LRP12: variants seen among roughly 807,000 people sequenced by gnomAD.
The protein encoded by LRP12 is LDL receptor related protein 12.
Under a neutral mutation model 66.0 loss-of-function variants are expected in LRP12, and 14 were observed. The ratio of observed to expected loss-of-function variants is 0.21; its 90% confidence interval spans 0.14 to 0.33. The LOEUF (loss-of-function observed/expected upper bound fraction) is 0.33. Among genes scored for constraint, LRP12 ranks in the 10% least tolerant of loss-of-function variants. The pLI, the probability that LRP12 is intolerant of heterozygous loss-of-function variation, is 1.00. For synonymous variants in LRP12, 357 were observed against 359.1 expected (o/e 0.99, Z 0.07); for missense variants, 889 against 1,053.4 (o/e 0.84, Z 2.16).
At chr8:104,545,906 A>G (rs1227171957) in intron 1 of LRP12, among the ~76,000 whole-genome samples, 1 of 151,992 alleles carries the variant, frequency 6.6e-6, no homozygotes, top group Non-Finnish European at 1.5e-5. Flanking sequence ...ACAGTGGGTA[A>G]TTAGCTTGTA....
chr8:104,497,994 A>C lies in LRP12; in HGVS notation c.558T>G (p.Asn186Lys). 1 of 1,614,206 alleles carries C rather than the reference A, an allele frequency of 6.2e-7. No homozygotes were observed. The highest frequency in any genetic ancestry group is 8.5e-7 in the Non-Finnish European group (1 of 1,180,024). The change falls in exon 5 of 7, where the codon AAT (asparagine) becomes AAG (lysine). Residue 186 changes from asparagine (N) to lysine (K), a missense_variant. Asn to Lys is a moderately conservative substitution (Grantham distance 94, BLOSUM62 0). This residue lies in a region of LRP12 where 800 missense variants were observed against 964.5 expected (regional missense o/e 0.83). Transcript: ENST00000276654. This position sits in a 1 kb window ranked among gnomAD's most constrained non-coding sequence, Gnocchi z 4.3. ...AACTATCTCCACATTCATCCATGTT[A>C]TTACATTTCCAGGCTTCTGGTATAC... ...GKCIPEAWKC[N>K]NMDECGDSSD...
At chr8:104,539,427 T>C (rs1588496843) in intron 1 of LRP12, among the ~76,000 whole-genome samples, 1 of 152,216 alleles carries the variant, frequency 6.6e-6, no homozygotes. Context: ...TTTGGGTACA[T>C]AGGGGGTCAT....
intron 1 of LRP12, among the ~76,000 whole-genome samples, chr8:104,536,536 G>T (rs1278631288): frequency 6.6e-6 from 1 of 152,074 alleles, no homozygotes; most frequent in Admixed American, 6.6e-5. Flanking sequence ...CTTAGTCCAT[G>T]TAAGTAAGAG....
intron 1 of LRP12, among the ~76,000 whole-genome samples, chr8:104,579,542 T>A (rs1812214426): frequency 6.6e-6 from 1 of 152,146 alleles, no homozygotes; most frequent in South Asian, 2.1e-4. Context: ...TCCTATTAAA[T>A]GACCATTGAC....
At chr8:104,515,676 G>A (rs1208312899) in intron 2 of LRP12, among the ~76,000 whole-genome samples, 1 of 152,184 alleles carries the variant, frequency 6.6e-6, no homozygotes, top group East Asian at 1.9e-4. Context: ...ATACCTTTAA[G>A]TGGGGGAGCA....
chr8:104,503,178 T>G (rs918135495), intron 3 of LRP12, among the ~76,000 whole-genome samples: 13 of 151,992 alleles, frequency 8.6e-5, no homozygotes, highest in African/African-American at 3.1e-4. Flanking sequence ...TTTTAAGCAT[T>G]TCAGAGTTTT....
At chr8:104,492,048 T>A (rs1810641752) in intron 6 of LRP12, among the ~76,000 whole-genome samples, 1 of 152,068 alleles carries the variant, frequency 6.6e-6, no homozygotes, top group Admixed American at 6.6e-5. Context: ...AAAATTGTAT[T>A]TCACAGAGTT....
At chr8:104,527,721 T>G (rs373260124) in intron 2 of LRP12, among the ~76,000 whole-genome samples, 1 of 152,084 alleles carries the variant, frequency 6.6e-6, no homozygotes, top group Admixed American at 6.6e-5. Context: ...TTAGGAGATA[T>G]ATCTAATGCT....
At chr8:104,547,506 T>A (rs1811597766) in intron 1 of LRP12, among the ~76,000 whole-genome samples, 1 of 124,696 alleles carries the variant, frequency 8.0e-6, no homozygotes, top group South Asian at 2.3e-4. Flanking sequence ...ATATTATATT[T>A]TGTATATAAT....
intron 3 of LRP12, among the ~76,000 whole-genome samples, chr8:104,502,912 GA>G (rs1413381517): frequency 2.0e-5 from 3 of 152,106 alleles, no homozygotes; most frequent in Non-Finnish European, 4.4e-5. Context: ...AAGGCTGGGA[GA>G]GGTGGCTCAC....
At chr8:104,567,251 A>C (rs1812019922) in intron 1 of LRP12, among the ~76,000 whole-genome samples, 1 of 152,222 alleles carries the variant, frequency 6.6e-6, no homozygotes, top group African/African-American at 2.4e-5. Context: ...AATTGGATTT[A>C]GTTCCACATG....
At chr8:104,585,769 G>A (rs1812319621) in intron 1 of LRP12, among the ~76,000 whole-genome samples, 1 of 152,140 alleles carries the variant, frequency 6.6e-6, no homozygotes, top group South Asian at 2.1e-4. Flanking sequence ...GTGGGTTTGA[G>A]TAAAAGTTAG....
At chr8:104,565,433 CA>C (rs1272359658) in intron 1 of LRP12, among the ~76,000 whole-genome samples, 1 of 151,946 alleles carries the variant, frequency 6.6e-6, no homozygotes, top group African/African-American at 2.4e-5. Context: ...GTAAAAGTTA[CA>C]AAAGGATAAA....
At position 104,498,666 on chromosome 8, in the gene LRP12, T is replaced by C. The variant is rs190110774; in HGVS notation, c.476-590A>G. 2.4e-4 allele frequency among the ~76,000 whole-genome samples: 37 copies of C among 152,326 alleles called. No homozygotes were observed. The East Asian group carries it at 5.2e-3, about 21-fold the overall frequency. On this transcript the variant is annotated intron_variant, in intron 4 of 6. Coordinates refer to ENST00000276654, the MANE Select transcript of LRP12 (RefSeq NM_013437.5). ...TTGGTTTGATTCCATCTCTTTGCTATTGAGAATAGTGCTGCAATCAACGTA... is the reference window on the plus strand; with the variant it reads ...TTGGTTTGATTCCATCTCTTTGCTACTGAGAATAGTGCTGCAATCAACGTA...
intron 1 of LRP12, among the ~76,000 whole-genome samples, chr8:104,534,068 CA>C (rs35546158): frequency 2.4e-3 from 330 of 135,804 alleles, no homozygotes; most frequent in African/African-American, 3.2e-3. Context: ...TTTATAATAG[CA>C]AAAAAAAAAA....
intron 5 of LRP12, 117 bp from the exon 6 acceptor site, chr8:104,495,326 T>A: frequency 9.5e-7 from 1 of 1,055,048 alleles, no homozygotes; most frequent in Non-Finnish European, 1.4e-6. Context: ...ATTTTAAAGC[T>A]TAGTCATTTG....
At chr8:104,531,816 G>C (rs1386604631) in intron 2 of LRP12, 91 bp downstream of exon 2, 11 of 813,336 alleles carry the variant, frequency 1.4e-5, no homozygotes, top group Non-Finnish European at 2.2e-5. Context: ...AATTTTTATA[G>C]CCAAATATCA....
At chr8:104,558,370 C>T (rs1811847666) in intron 1 of LRP12, among the ~76,000 whole-genome samples, 1 of 152,106 alleles carries the variant, frequency 6.6e-6, no homozygotes, top group African/African-American at 2.4e-5. Context: ...ACACTCTATT[C>T]AACAAATGAT....
chr8:104,556,177 A>G (rs1425068776), intron 1 of LRP12, among the ~76,000 whole-genome samples: 1 of 152,216 alleles, frequency 6.6e-6, no homozygotes, highest in Non-Finnish European at 1.5e-5. Flanking sequence ...AGGAAAATTC[A>G]TAACATTAAC....
Sources: gnomAD v4.1 joint callset for allele counts (sites outside exome capture counted in the v4.1 genomes callset) on GRCh38, gnomAD v4.1.1 for gene constraint, gnomAD v4.1.1 regional missense constraint, Gnocchi (gnomAD v3.1) non-coding constraint, MANE v1.5 for transcripts, NCBI Gene and HGNC (gene_info 2026-07-23, HGNC 2026-07-21) for gene names.